The following ME3 variants were observed in gnomAD, a reference collection of about 807,000 sequenced individuals.
ME3 encodes malic enzyme 3.
In ME3, 48 loss-of-function variants were observed where a neutral mutation model predicts 68.9. That is an observed-to-expected ratio of 0.70 (90% CI 0.55 to 0.89). The LOEUF is 0.89. Ranked by LOEUF, ME3 falls within the 40% of genes least tolerant of loss-of-function variation. ME3 has a pLI of 0.00. For missense variants in ME3, 675 were observed against 797.4 expected (o/e 0.85, Z 1.85); for synonymous variants, 320 against 318.8 (o/e 1.00, Z -0.04).
At chr11:86,505,088 A>G (rs540503053) in intron 5 of ME3, among the ~76,000 whole-genome samples, 1 of 152,196 alleles carries the variant, frequency 6.6e-6, no homozygotes, top group Admixed American at 6.5e-5. Context: ...AGTAGTGAAG[A>G]AGAGGTTCTG....
chr11:86,442,182 T>A (rs1018849906), intron 14 of ME3, among the ~76,000 whole-genome samples: 2 of 152,230 alleles, frequency 1.3e-5, no homozygotes, highest in Non-Finnish European at 2.9e-5. Flanking sequence ...TATTGCACCA[T>A]GTTCTGATTC....
intron 4 of ME3, among the ~76,000 whole-genome samples, chr11:86,519,928 G>C (rs1032876432): frequency 6.6e-6 from 1 of 152,234 alleles, no homozygotes; most frequent in African/African-American, 2.4e-5. Flanking sequence ...TGTGACTGAA[G>C]TGCGGGATGG....
intron 4 of ME3, among the ~76,000 whole-genome samples, chr11:86,519,027 A>T (rs545326108): frequency 6.6e-6 from 1 of 152,200 alleles, no homozygotes; most frequent in Non-Finnish European, 1.5e-5. Flanking sequence ...TCTTGCTGTT[A>T]GAACTATGAG....
chr11:86,614,545 C>G (rs1942820205), intron 2 of ME3, among the ~76,000 whole-genome samples: 1 of 152,180 alleles, frequency 6.6e-6, no homozygotes, highest in Admixed American at 6.5e-5. Flanking sequence ...CCAACCCCTT[C>G]TCAAAGCAGG....
the ME3 span, chr11:86,435,859 T>C: frequency 6.6e-6 from 1 of 152,288 alleles, no homozygotes; most frequent in African/African-American, 2.4e-5. Context: ...CTTTGGGCCC[T>C]TGAATCAACC....
intron 14 of ME3, 40 bp from the exon 15 acceptor site, chr11:86,441,480 G>T: frequency 1.3e-6 from 2 of 1,532,806 alleles, no homozygotes; most frequent in African/African-American, 1.4e-5. Context: ...CGGATCTAAG[G>T]GGAAACCTGC....
chr11:86,554,119 T>C (rs1207084852), intron 4 of ME3, among the ~76,000 whole-genome samples: 1 of 152,220 alleles, frequency 6.6e-6, no homozygotes, highest in Non-Finnish European at 1.5e-5. Flanking sequence ...TGGAGTGGGC[T>C]CTGGAGGCAA....
At chr11:86,583,840 A>G (rs1958578825) in intron 2 of ME3, among the ~76,000 whole-genome samples, 1 of 152,206 alleles carries the variant, frequency 6.6e-6, no homozygotes, top group South Asian at 2.1e-4. Flanking sequence ...TGTAAAATGT[A>G]AGACCTGAAA....
intron 5 of ME3, among the ~76,000 whole-genome samples, chr11:86,499,577 A>G (rs1232956153): frequency 6.6e-6 from 1 of 152,172 alleles, no homozygotes; most frequent in Non-Finnish European, 1.5e-5. Context: ...ATGATCTGGT[A>G]CCCAAAGGGC....
intron 2 of ME3, among the ~76,000 whole-genome samples, chr11:86,638,105 C>T (rs559690572): frequency 1.3e-5 from 2 of 151,868 alleles, no homozygotes; most frequent in Non-Finnish European, 2.9e-5. Flanking sequence ...TGTGCCTCCC[C>T]ACATGCTGTC....
At chr11:86,559,147 G>T (rs181317615) in intron 3 of ME3, among the ~76,000 whole-genome samples, 1 of 152,122 alleles carries the variant, frequency 6.6e-6, no homozygotes, top group Admixed American at 6.5e-5. Context: ...GATCCCCATT[G>T]GAGGAGAACT....
At chr11:86,563,734 A>G (rs749766201) in intron 2 of ME3, among the ~76,000 whole-genome samples, 28 of 151,886 alleles carry the variant, frequency 1.8e-4, no homozygotes, top group Non-Finnish European at 2.9e-4. Flanking sequence ...GTCTTTGTCA[A>G]CCTTGTTGAT....
intron 4 of ME3, among the ~76,000 whole-genome samples, chr11:86,548,412 C>T (rs1956486824): frequency 6.6e-6 from 1 of 152,148 alleles, no homozygotes; most frequent in Admixed American, 6.6e-5. Context: ...CTCCTCCTTC[C>T]ACCTTCCTAA....
At chr11:86,646,571 T>G (rs1266921711) in intron 2 of ME3, among the ~76,000 whole-genome samples, 1 of 152,040 alleles carries the variant, frequency 6.6e-6, no homozygotes, top group East Asian at 1.9e-4. Flanking sequence ...GAAACCTACG[T>G]TTGATTGGTG....
At position 86,660,536 on chromosome 11, in the gene ME3, A is replaced by T. The variant is rs142198708; in HGVS notation, c.183+11226T>A. Among the ~76,000 whole-genome samples, 1,332 of 152,312 alleles carry T rather than the reference A, an allele frequency of 8.7e-3. 27 individuals are homozygous for T. Among genetic ancestry groups the T allele is most frequent in the African/African-American group, 0.03 (1,246 of 41,556 alleles). ...GTTCAGAGAAATATCCCATATCTAG[A>T]GAATGGCAGAGATGGGATTGGAATC... On this transcript the variant is annotated intron_variant, in intron 2 of 14. Transcript: ENST00000543262.
intron 2 of ME3, among the ~76,000 whole-genome samples, chr11:86,655,191 C>G (rs192441033): frequency 2.0e-5 from 3 of 152,246 alleles, no homozygotes; most frequent in Non-Finnish European, 4.4e-5. Flanking sequence ...TTTATAGATT[C>G]AATGCTATCC....
In ME3 at chr11:86,492,065, G is replaced by A. The variant is rs185434757; in HGVS notation, c.706-4625C>T. Among the ~76,000 whole-genome samples the A allele has an allele frequency of 4.6e-5, 7 of 152,316 alleles. No individual in the cohort carries two copies. In the East Asian group the frequency reaches 1.3e-3, roughly 29 times the overall value. On this transcript the variant is annotated intron_variant, in intron 6 of 14. Transcript: ENST00000543262. ...TGAGCATCCTCAGTAGGGCCCAAAG[G>A]GGCTCTAGGCTTTCAAATCAGATAG... is the stretch of plus-strand genomic sequence containing the variant.
intron 8 of ME3, among the ~76,000 whole-genome samples, chr11:86,459,142 A>G (rs1242734449): frequency 1.3e-5 from 2 of 152,230 alleles, no homozygotes; most frequent in African/African-American, 2.4e-5. Context: ...GTAGTGAAGA[A>G]CAGGAAGAGA....
intron 2 of ME3, among the ~76,000 whole-genome samples, chr11:86,604,112 A>T (rs923954946): frequency 8.0e-5 from 9 of 113,036 alleles, no homozygotes; most frequent in African/African-American, 2.9e-4. Flanking sequence ...AAAAAAAGTT[A>T]AAAAAAAAAA....
Sources: allele counts gnomAD v4.1 joint callset (sites outside exome capture counted in the v4.1 genomes callset), GRCh38; gene constraint gnomAD v4.1.1; transcripts MANE v1.5; gene names NCBI Gene and HGNC (gene_info 2026-07-23, HGNC 2026-07-21).